The following TSPAN5 variants were observed in gnomAD, a reference collection of about 807,000 sequenced individuals.
TSPAN5 encodes tetraspanin-5.
TSPAN5 carries 10 observed loss-of-function variants against 37.1 expected under a neutral mutation model. The observed-to-expected ratio is 0.27, with a 90% CI of 0.17 to 0.46. The LOEUF (loss-of-function observed/expected upper bound fraction) is 0.46. Ranked by LOEUF, TSPAN5 falls within the 20% of genes least tolerant of loss-of-function variation. The probability of loss-of-function intolerance (pLI) is 1.00; values close to 1 mark genes in which losing one functional copy is unlikely to be tolerated. For missense variants in TSPAN5, 195 were observed against 326.6 expected (o/e 0.60, Z 3.11); for synonymous variants, 110 against 118.9 (o/e 0.93, Z 0.48).
chr4:98,530,578 T>C (rs897381309), intron 1 of TSPAN5, among the ~76,000 whole-genome samples: 1 of 152,150 alleles, frequency 6.6e-6, no homozygotes, highest in Non-Finnish European at 1.5e-5. Context: ...GCATTGGACT[T>C]GGGAATAAGG....
At chr4:98,621,730 C>T (rs1756485215) in intron 1 of TSPAN5, among the ~76,000 whole-genome samples, 1 of 152,048 alleles carries the variant, frequency 6.6e-6, no homozygotes, top group Admixed American at 6.6e-5. Flanking sequence ...TATAGTGCAG[C>T]CAGCACCACT....
chr4:98,649,932 G>A (rs1351923760), intron 1 of TSPAN5, among the ~76,000 whole-genome samples: 1 of 152,200 alleles, frequency 6.6e-6, no homozygotes, highest in Non-Finnish European at 1.5e-5. Flanking sequence ...AGTATATGTA[G>A]ACCTAACACT....
intron 1 of TSPAN5, among the ~76,000 whole-genome samples, chr4:98,621,966 C>T (rs1756491400): frequency 6.6e-6 from 1 of 152,124 alleles, no homozygotes; most frequent in South Asian, 2.1e-4. Context: ...TACTTCATTC[C>T]TTTCTATACC....
intron 2 of TSPAN5, among the ~76,000 whole-genome samples, chr4:98,490,912 A>G (rs1578942435): frequency 6.6e-6 from 1 of 152,076 alleles, no homozygotes; most frequent in Admixed American, 6.6e-5. Context: ...AATGCAAAAA[A>G]TTAGCCGGGC....
intron 1 of TSPAN5, among the ~76,000 whole-genome samples, chr4:98,562,261 G>A (rs1754896511): frequency 1.3e-5 from 2 of 152,224 alleles, no homozygotes; most frequent in African/African-American, 4.8e-5. Flanking sequence ...TTGAAGGGGT[G>A]TGATACCTGG....
At position 98,520,218 on chromosome 4, in the gene TSPAN5, C is replaced by G. The variant is rs190842958; in HGVS notation, c.82-12490G>C. Among the ~76,000 whole-genome samples the G allele has an allele frequency of 1.0e-3, 155 of 152,266 alleles. 1 individual carries two copies. The highest frequency in any genetic ancestry group is 3.4e-3 in the Middle Eastern group (1 of 294). On this transcript the variant is annotated intron_variant, in intron 1 of 7. Transcript: ENST00000305798. Reference sequence around the variant, plus strand: ...AGAGGTGCCACCAAAGCCCATAGAGCAATTACACATTAAGTAGGGGAAGGG... The same window carrying G: ...AGAGGTGCCACCAAAGCCCATAGAGGAATTACACATTAAGTAGGGGAAGGG...
chr4:98,563,440 G>A (rs1754922001), intron 1 of TSPAN5, among the ~76,000 whole-genome samples: 1 of 152,160 alleles, frequency 6.6e-6, no homozygotes, highest in Non-Finnish European at 1.5e-5. Context: ...GGAACTTCCT[G>A]AAAGCAGTCC....
chr4:98,539,661 A>T (rs1173778336), intron 1 of TSPAN5, among the ~76,000 whole-genome samples: 4 of 152,130 alleles, frequency 2.6e-5, no homozygotes, highest in Non-Finnish European at 5.9e-5. Flanking sequence ...AATTTATTGC[A>T]ACATAATTTT....
chr4:98,590,485 CAGATCACGAGGTCAGG>C (rs1023414687), intron 1 of TSPAN5, among the ~76,000 whole-genome samples: 22 of 152,052 alleles, frequency 1.4e-4, no homozygotes, highest in Non-Finnish European at 3.2e-4. Context: ...CCGAGGTGGG[CAGATCACGAGGTCAGG>C]AGATCGAGAC....
intron 1 of TSPAN5, among the ~76,000 whole-genome samples, chr4:98,542,719 T>TAAAAAAA (rs11326064): frequency 2.9e-5 from 3 of 101,812 alleles, no homozygotes; most frequent in African/African-American, 3.9e-5. Context: ...CTCATCTCTT[T>TAAAAAAA]AAAAAAAAAA....
chr4:98,639,240 CAA>C (rs1756916564), intron 1 of TSPAN5, among the ~76,000 whole-genome samples: 1 of 152,154 alleles, frequency 6.6e-6, no homozygotes, highest in Non-Finnish European at 1.5e-5. Context: ...TCATGGGTTA[CAA>C]AAGCAGCAGT....
intron 1 of TSPAN5, among the ~76,000 whole-genome samples, chr4:98,597,545 G>A (rs1755772257): frequency 2.6e-5 from 1 of 37,900 alleles, no homozygotes; most frequent in Non-Finnish European, 4.1e-5. Context: ...TTTCTGTTCT[G>A]TTTTTTCCCC....
chr4:98,485,112 TAAA>T (rs34892296), intron 3 of TSPAN5: 47,767 of 145,826 alleles, frequency 0.33, 8,562 homozygotes, highest in South Asian at 0.45. Flanking sequence ...AAACTCCATC[TAAA>T]AAAAAAAAAA....
At chr4:98,576,646 G>T (rs967640636) in intron 1 of TSPAN5, among the ~76,000 whole-genome samples, 11 of 152,182 alleles carry the variant, frequency 7.2e-5, no homozygotes, top group Non-Finnish European at 1.6e-4. Context: ...GGCCCAGGAA[G>T]TCCAGGCTGC....
intron 1 of TSPAN5, among the ~76,000 whole-genome samples, chr4:98,628,206 G>T (rs1756651146): frequency 6.6e-6 from 1 of 152,076 alleles, no homozygotes; most frequent in African/African-American, 2.4e-5. Flanking sequence ...CTCATCAGAA[G>T]TCTCCATAAT....
At chr4:98,639,283 AC>A (rs1756917306) in intron 1 of TSPAN5, among the ~76,000 whole-genome samples, 1 of 152,120 alleles carries the variant, frequency 6.6e-6, no homozygotes. Flanking sequence ...GGATTTTGAA[AC>A]ACTGATCTTA....
At chr4:98,517,616 T>C (rs79136604) in intron 1 of TSPAN5, among the ~76,000 whole-genome samples, 2,299 of 152,154 alleles carry the variant, frequency 0.015, 39 homozygotes, top group Non-Finnish European at 0.023. Flanking sequence ...CTTGACATTT[T>C]GGCAAGGACT....
chr4:98,542,566 A>G (rs1394719744), intron 1 of TSPAN5, among the ~76,000 whole-genome samples: 1 of 152,078 alleles, frequency 6.6e-6, no homozygotes, highest in African/African-American at 2.4e-5. Flanking sequence ...AAAAGACTTA[A>G]AAATTCGCCA....
chr4:98,654,636 A>G (rs1277980400), intron 1 of TSPAN5, among the ~76,000 whole-genome samples: 1 of 152,182 alleles, frequency 6.6e-6, no homozygotes, highest in Admixed American at 6.5e-5. Flanking sequence ...AGGAATCTGT[A>G]CAAGATGTTG....
Sources: allele counts gnomAD v4.1 joint callset (sites outside exome capture counted in the v4.1 genomes callset), GRCh38; gene constraint gnomAD v4.1.1; transcripts MANE v1.5; gene names NCBI Gene and HGNC (gene_info 2026-07-23, HGNC 2026-07-21).